The following TMEM150C variants were observed in gnomAD, a reference collection of about 807,000 sequenced individuals.
The protein encoded by TMEM150C is transmembrane protein 150C, also known as tentonin 3.
TMEM150C carries 10 observed loss-of-function variants against 29.9 expected under a neutral mutation model. The ratio of observed to expected loss-of-function variants is 0.33; its 90% CI spans 0.21 to 0.57. The LOEUF (loss-of-function observed/expected upper bound fraction) is 0.57. Among genes scored for constraint, TMEM150C ranks in the 20% least tolerant of loss-of-function variants. The pLI, the probability that TMEM150C is intolerant of heterozygous loss-of-function variation, is 0.88. For synonymous variants in TMEM150C, 101 were observed against 112.5 expected, an observed-to-expected ratio of 0.90 and a Z score of 0.64; for missense variants, 251 against 303.6, an observed-to-expected ratio of 0.83 and a Z score of 1.29.
intron 1 of TMEM150C, among the ~76,000 whole-genome samples, chr4:82,535,903 C>T (rs1413831711): frequency 1.3e-5 from 2 of 152,078 alleles, no homozygotes; most frequent in South Asian, 2.1e-4. Context: ...ACCATACCTG[C>T]CTCTACACGT....
At chr4:82,517,132 T>C (rs1005904756) in intron 1 of TMEM150C, among the ~76,000 whole-genome samples, 7 of 152,234 alleles carry the variant, frequency 4.6e-5, no homozygotes, top group African/African-American at 1.4e-4. Context: ...TCTCACTTCA[T>C]ACAGTACCCT....
At chr4:82,561,105 T>G (rs925950149) in intron 1 of TMEM150C, among the ~76,000 whole-genome samples, 1 of 151,882 alleles carries the variant, frequency 6.6e-6, no homozygotes, top group Non-Finnish European at 1.5e-5. Flanking sequence ...AAGGAATGAG[T>G]AGAGAAAAAA....
chr4:82,498,295 A>G (rs1487147531), intron 5 of TMEM150C, among the ~76,000 whole-genome samples: 1 of 151,104 alleles, frequency 6.6e-6, no homozygotes, highest in Non-Finnish European at 1.5e-5. Context: ...GATTATAGGC[A>G]TGAGCCTATA....
chr4:82,552,782 T>C (rs1037400085), intron 1 of TMEM150C, among the ~76,000 whole-genome samples: 1 of 152,194 alleles, frequency 6.6e-6, no homozygotes, highest in Non-Finnish European at 1.5e-5. Flanking sequence ...CTGCCTCGCT[T>C]GCCATCTCTT....
At chr4:82,490,913 C>T (rs1723319940) in intron 6 of TMEM150C, 5 of 715,836 alleles carry the variant, frequency 7.0e-6, no homozygotes, top group Non-Finnish European at 1.3e-5. Flanking sequence ...CATTGCCTCC[C>T]CAGTGATGGC....
chr4:82,506,272 A>G (rs946055771), intron 1 of TMEM150C, among the ~76,000 whole-genome samples: 8 of 152,330 alleles, frequency 5.3e-5, no homozygotes, highest in Non-Finnish European at 8.8e-5. Flanking sequence ...TCCCATCTGC[A>G]ACATCTCAGG....
chr4:82,522,634 C>T (rs578235090), intron 1 of TMEM150C, among the ~76,000 whole-genome samples: 89 of 152,260 alleles, frequency 5.8e-4, no homozygotes, highest in Admixed American at 9.8e-4. Flanking sequence ...CCTGTTAAAG[C>T]GCAGTAAGGC....
At chr4:82,544,347 A>C (rs1176765218) in intron 1 of TMEM150C, among the ~76,000 whole-genome samples, 2 of 152,228 alleles carry the variant, frequency 1.3e-5, no homozygotes, top group African/African-American at 4.8e-5. Flanking sequence ...AAGGAAGAGA[A>C]GTTTGATAAC....
chr4:82,536,879 T>A (rs528671592), intron 1 of TMEM150C, among the ~76,000 whole-genome samples: 1 of 152,276 alleles, frequency 6.6e-6, no homozygotes, highest in South Asian at 2.1e-4. Context: ...CACTAATGCA[T>A]CAAAAGAAAA....
chr4:82,513,458 A>C (rs551638905), intron 1 of TMEM150C, among the ~76,000 whole-genome samples: 1 of 152,278 alleles, frequency 6.6e-6, no homozygotes, highest in East Asian at 1.9e-4. Flanking sequence ...CACTTAAAAA[A>C]TCATAAATTT....
At chr4:82,505,761 G>T (rs752387255) in intron 1 of TMEM150C, among the ~76,000 whole-genome samples, 1 of 152,092 alleles carries the variant, frequency 6.6e-6, no homozygotes, top group African/African-American at 2.4e-5. Flanking sequence ...CGTTTTGGAG[G>T]TTACAAAAAT....
At chr4:82,492,248 C>A (rs1261832448) in intron 6 of TMEM150C, among the ~76,000 whole-genome samples, 1 of 152,200 alleles carries the variant, frequency 6.6e-6, no homozygotes, top group Non-Finnish European at 1.5e-5. Context: ...CATGTCTCAG[C>A]CTCCCAAGTA....
At chr4:82,514,240 G>A (rs1007909437) in intron 1 of TMEM150C, among the ~76,000 whole-genome samples, 1 of 152,242 alleles carries the variant, frequency 6.6e-6, no homozygotes, top group African/African-American at 2.4e-5. Context: ...ATTGCCTGCT[G>A]CAGGATCCCA....
intron 5 of TMEM150C, among the ~76,000 whole-genome samples, chr4:82,497,826 G>C (rs1378985973): frequency 6.6e-6 from 1 of 152,120 alleles, no homozygotes; most frequent in East Asian, 1.9e-4. Flanking sequence ...ATTAATTTTA[G>C]GATAGGAGTA....
In TMEM150C at chr4:82,485,693, G is replaced by A. The variant is rs952274718; in HGVS notation, c.568C>T (p.His190Tyr). Residue 190 changes from histidine (H) to tyrosine (Y), a missense_variant, in exon 8 of 8, where the codon CAC (histidine) becomes TAC (tyrosine). By Grantham distance (83) the His-to-Tyr change is moderately conservative. Coordinates refer to ENST00000449862, the MANE Select transcript of TMEM150C (RefSeq NM_001080506.3). ...CACTGGACCCTGGCTGCATACATGT[G>A]GATGCTTTGGGCCATGAGGATGAAG... is the stretch of plus-strand genomic sequence containing the variant. Reference protein sequence around the residue: ...LYFILMAQSIHMYAARVQWGL... With the variant: ...LYFILMAQSIYMYAARVQWGL... 1 of 1,607,868 alleles carries A rather than the reference G, an allele frequency of 6.2e-7. No individual in the cohort carries two copies. The highest frequency in any genetic ancestry group is 1.3e-5 in the African/African-American group (1 of 74,802).
At chr4:82,562,063 C>T, upstream of TMEM150C, 1 of 1,157,836 alleles carries the variant, frequency 8.6e-7, no homozygotes, top group Non-Finnish European at 1.1e-6. Context: ...CCGGGGCCCG[C>T]CCCCGACTTA....
chr4:82,496,283 T>A, intron 5 of TMEM150C, 88 bp from the exon 6 acceptor site: 1 of 1,327,048 alleles, frequency 7.5e-7, no homozygotes, highest in Non-Finnish European at 1.0e-6. Context: ...TATTTTTTTA[T>A]GCTGCACTAT....
At chr4:82,521,095 A>G (rs1441899120) in intron 1 of TMEM150C, among the ~76,000 whole-genome samples, 5 of 152,032 alleles carry the variant, frequency 3.3e-5, no homozygotes, top group Admixed American at 3.3e-4. Context: ...CCTCACCACA[A>G]GTCTTGGCAA....
At chr4:82,522,109 C>T (rs550215226) in intron 1 of TMEM150C, among the ~76,000 whole-genome samples, 2 of 152,158 alleles carry the variant, frequency 1.3e-5, no homozygotes, top group African/African-American at 4.8e-5. Context: ...TGGTATTCTC[C>T]AAAACCATAA....
Sources: allele counts gnomAD v4.1 joint callset (sites outside exome capture counted in the v4.1 genomes callset), GRCh38; gene constraint gnomAD v4.1.1; transcripts MANE v1.5; gene names NCBI Gene and HGNC (gene_info 2026-07-23, HGNC 2026-07-21).